The following CDH18 variants were observed in gnomAD, a reference collection of about 807,000 sequenced individuals.
CDH18 encodes the protein cadherin-18.
A neutral mutation model predicts 67.9 loss-of-function variants in CDH18; 31 were observed. The observed-to-expected ratio is 0.46, with a 90% CI of 0.34 to 0.62. CDH18 has a LOEUF of 0.62. Ranked by LOEUF, CDH18 falls within the 20% of genes least tolerant of loss-of-function variation. CDH18 has a pLI of 0.01. For missense variants in CDH18, 890 were observed against 975.5 expected, an observed-to-expected ratio of 0.91 and a Z score of 1.17; for synonymous variants, 362 against 347.2, an observed-to-expected ratio of 1.04 and a Z score of -0.48.
At chr5:20,568,640 CATACAT>C (rs1758645570) in intron 1 of CDH18, among the ~76,000 whole-genome samples, 1 of 152,098 alleles carries the variant, frequency 6.6e-6, no homozygotes, top group Non-Finnish European at 1.5e-5. Context: ...AATATGCTAA[CATACAT>C]ATCCATATAC....
chr5:20,446,155 C>G (rs1002182944), intron 1 of CDH18, among the ~76,000 whole-genome samples: 2 of 152,048 alleles, frequency 1.3e-5, no homozygotes, highest in Non-Finnish European at 2.9e-5. Context: ...AGGGTCAACT[C>G]GAAGATACAG....
At chr5:20,533,177 C>T (rs1756519875) in intron 1 of CDH18, among the ~76,000 whole-genome samples, 1 of 152,036 alleles carries the variant, frequency 6.6e-6, no homozygotes, top group Non-Finnish European at 1.5e-5. Context: ...CAAGGAATGT[C>T]TAAGGTGAAC....
chr5:19,628,522 T>C (rs1165937482), intron 5 of CDH18, among the ~76,000 whole-genome samples: 1 of 152,066 alleles, frequency 6.6e-6, no homozygotes, highest in Admixed American at 6.6e-5. Context: ...TGGATATATG[T>C]TGACGGTAGG....
intron 12 of CDH18, among the ~76,000 whole-genome samples, chr5:19,480,949 C>T (rs1306098841): frequency 6.6e-6 from 1 of 152,082 alleles, no homozygotes; most frequent in Non-Finnish European, 1.5e-5. Context: ...ATAGTTCTTG[C>T]TCTGGTGCAC....
At chr5:19,699,830 T>C (rs996417012) in intron 5 of CDH18, among the ~76,000 whole-genome samples, 1 of 152,042 alleles carries the variant, frequency 6.6e-6, no homozygotes, top group Non-Finnish European at 1.5e-5. Flanking sequence ...GTCTATGATA[T>C]CATTAATAGC....
intron 5 of CDH18, among the ~76,000 whole-genome samples, chr5:19,691,940 G>A (rs1761943633): frequency 6.6e-6 from 1 of 151,790 alleles, no homozygotes; most frequent in African/African-American, 2.4e-5. Flanking sequence ...TGAGCCAAAA[G>A]AACAAAGCTG....
Position 19,473,096 on chromosome 5 carries a change from G to A in CDH18, c.*130C>T, listed in dbSNP as rs1052777791. On this transcript the variant is annotated 3_prime_UTR_variant, in exon 13 of 13. Transcript: ENST00000382275. Reference sequence around the variant, plus strand: ...AGTTTCGATCATGAAAAGGGCACTTGTTTCTACAGGAGCTGTGTCCAGCTT... The same window carrying A: ...AGTTTCGATCATGAAAAGGGCACTTATTTCTACAGGAGCTGTGTCCAGCTT... 5.1e-6 allele frequency: 5 copies of A among 984,482 alleles called. No individual in the cohort carries two copies. The highest frequency in any genetic ancestry group is 2.4e-4 in the Middle Eastern group (1 of 4,128). 61.0% of individuals were successfully genotyped at this position (984,482 alleles called of 1,614,324 possible).
At chr5:19,961,107 T>C (rs1382032716) in intron 2 of CDH18, among the ~76,000 whole-genome samples, 1 of 148,490 alleles carries the variant, frequency 6.7e-6, no homozygotes, top group Non-Finnish European at 1.5e-5. Context: ...ATAATTTTTT[T>C]TTTTTTTTTT....
chr5:19,901,078 G>C (rs1789893480), intron 2 of CDH18, among the ~76,000 whole-genome samples: 1 of 151,958 alleles, frequency 6.6e-6, no homozygotes, highest in African/African-American at 2.4e-5. Flanking sequence ...TGTAACTTTG[G>C]ATTTGGTGAG....
In CDH18 at chr5:19,699,632, G is replaced by GTGTC. The variant is rs1554007620; in HGVS notation, c.643+21714_643+21715insGACA. ...TCTCCATGTGTGTGTGTGTGTGTGT[G>GTGTC]TGTGTGTGTCTGTGTGTGTGTGTGT... On this transcript the variant is annotated intron_variant, in intron 5 of 12. Coordinates refer to ENST00000382275, the MANE Select transcript of CDH18 (RefSeq NM_004934.5). Among the ~76,000 whole-genome samples, 836 of 133,418 alleles carry GTGTC rather than the reference G, an allele frequency of 6.3e-3. 3 individuals are homozygous for GTGTC. The highest frequency in any genetic ancestry group is 9.3e-3 in the Non-Finnish European group (594 of 63,608). The allele number at this position is 133,418 out of a possible 152,430, so 87.5% of individuals were successfully genotyped here. A position where few individuals can be genotyped will look rare whatever the true frequency, so the allele number is the denominator to read the frequency against.
chr5:20,240,163 TA>T (rs946812759), intron 2 of CDH18, among the ~76,000 whole-genome samples: 12 of 150,310 alleles, frequency 8.0e-5, no homozygotes, highest in Admixed American at 2.7e-4. Context: ...AAAGTATAAT[TA>T]AAAAAAAAGA....
At chr5:19,947,072 G>A (rs759225040) in intron 2 of CDH18, among the ~76,000 whole-genome samples, 13 of 151,886 alleles carry the variant, frequency 8.6e-5, no homozygotes, top group Non-Finnish European at 7.4e-5. Context: ...AGAATTAGAC[G>A]ATACTTCCTA....
chr5:20,194,220 A>T lies in CDH18; in HGVS notation c.-518+61224T>A, dbSNP rs1257869367. Among the ~76,000 whole-genome samples the T allele has an allele frequency of 2.6e-5, 4 of 152,140 alleles. No homozygotes were observed. In the East Asian group the frequency reaches 5.8e-4, roughly 22 times the overall value. On this transcript the variant is annotated intron_variant, in intron 2 of 14. Transcript: ENST00000507958. ...CATAATTTTATATTTAGAAAACCCCATCATCTCAGCCCCAAAACTCCTTGT... is the reference window on the plus strand; with the variant it reads ...CATAATTTTATATTTAGAAAACCCCTTCATCTCAGCCCCAAAACTCCTTGT...
intron 1 of CDH18, among the ~76,000 whole-genome samples, chr5:20,468,103 C>G (rs941202494): frequency 6.6e-6 from 1 of 152,100 alleles, no homozygotes; most frequent in Non-Finnish European, 1.5e-5. Flanking sequence ...CAACCTCTGT[C>G]TGTCAGGTTC....
intron 2 of CDH18, among the ~76,000 whole-genome samples, chr5:20,065,486 G>A (rs567096940): frequency 1.3e-5 from 2 of 151,752 alleles, no homozygotes; most frequent in African/African-American, 4.8e-5. Flanking sequence ...ATTATAACAC[G>A]GCTTCACTTC....
chr5:19,581,184 C>G (rs1020103607), intron 7 of CDH18, among the ~76,000 whole-genome samples: 1 of 151,958 alleles, frequency 6.6e-6, no homozygotes, highest in Non-Finnish European at 1.5e-5. Context: ...TGCTCTATAT[C>G]CTAATTTAAC....
chr5:19,966,967 C>T (rs7730269), intron 2 of CDH18, among the ~76,000 whole-genome samples: 18,804 of 151,592 alleles, frequency 0.12, 3,320 homozygotes, highest in African/African-American at 0.39. Context: ...ATACCAAACC[C>T]ATTAATTAAA....
chr5:20,257,309 C>T (rs1744325745), intron 1 of CDH18, among the ~76,000 whole-genome samples: 1 of 151,918 alleles, frequency 6.6e-6, no homozygotes, highest in South Asian at 2.1e-4. Context: ...CAAAGATTTC[C>T]AATAAATAAT....
rs183452201 is a variant in CDH18 at position 20,407,131 on chromosome 5, A to G, written c.-579-151626T>C. Among the ~76,000 whole-genome samples the G allele has an allele frequency of 1.3e-3, 196 of 152,320 alleles. 2 individuals carry two copies. The highest frequency in any genetic ancestry group is 1.9e-4 in the Non-Finnish European group (13 of 68,024). ...TTAAAAGAACAATATAGTAGTCTAA[A>G]CTGGCACAGACACTTGCCACAGCTA... is the stretch of plus-strand genomic sequence containing the variant. On this transcript the variant is annotated intron_variant, in intron 1 of 14. Transcript: ENST00000507958.
Sources: allele counts gnomAD v4.1 joint callset (sites outside exome capture counted in the v4.1 genomes callset), GRCh38; gene constraint gnomAD v4.1.1; transcripts MANE v1.5; gene names NCBI Gene and HGNC (gene_info 2026-07-23, HGNC 2026-07-21).